TCAF1: variants seen among roughly 807,000 people sequenced by gnomAD.
The protein encoded by TCAF1 is TRPM8 channel-associated factor 1.
A neutral mutation model predicts 27.3 loss-of-function variants in TCAF1; 4 were observed. The ratio of observed to expected loss-of-function variants is 0.15; its 90% CI spans 0.07 to 0.34. The LOEUF (loss-of-function observed/expected upper bound fraction) is 0.34. Among genes scored for constraint, TCAF1 ranks in the 10% least tolerant of loss-of-function variants. The pLI is 1.00. For synonymous variants in TCAF1, 105 were observed against 167.1 expected, an observed-to-expected ratio of 0.63 and a Z score of 2.87; for missense variants, 257 against 425.8, an observed-to-expected ratio of 0.60 and a Z score of 3.49.
At chr7:143,893,646 C>T (rs1361695903) in intron 1 of TCAF1, among the ~76,000 whole-genome samples, 1 of 151,834 alleles carries the variant, frequency 6.6e-6, no homozygotes, top group African/African-American at 2.4e-5. Context: ...TTAAGGATCA[C>T]ACTTCTGAAC....
At chr7:143,876,856 A>G (rs540658461) in intron 1 of TCAF1, among the ~76,000 whole-genome samples, 1 of 152,280 alleles carries the variant, frequency 6.6e-6, no homozygotes, top group African/African-American at 2.4e-5. Context: ...TTTCCATCAC[A>G]GAAGGAAACA....
At chr7:143,892,255 A>C (rs1813669593) in intron 1 of TCAF1, among the ~76,000 whole-genome samples, 1 of 152,160 alleles carries the variant, frequency 6.6e-6, no homozygotes, top group Admixed American at 6.5e-5. Context: ...TAAAAAATAA[A>C]ACAGACAATA....
intron 1 of TCAF1, among the ~76,000 whole-genome samples, chr7:143,897,609 T>C (rs1446761569): frequency 2.6e-5 from 4 of 152,076 alleles, no homozygotes; most frequent in Non-Finnish European, 1.5e-5. Context: ...TTATATATAT[T>C]GAATAAACAT....
At chr7:143,879,991 T>C (rs184324586) in intron 1 of TCAF1, among the ~76,000 whole-genome samples, 3 of 152,314 alleles carry the variant, frequency 2.0e-5, no homozygotes, top group Admixed American at 2.0e-4. Flanking sequence ...GAATATATTT[T>C]ACATCCACCT....
At chr7:143,876,708 G>T in intron 1 of TCAF1, 86 bp from the exon 2 acceptor site, 1 of 1,095,958 alleles carries the variant, frequency 9.1e-7, no homozygotes, top group East Asian at 2.6e-5. Context: ...CCAGTAGCTG[G>T]GCTATTCTTC....
chr7:143,874,697 C>T (rs966751402), intron 2 of TCAF1, among the ~76,000 whole-genome samples: 1 of 152,114 alleles, frequency 6.6e-6, no homozygotes, highest in Non-Finnish European at 1.5e-5. Flanking sequence ...CATGCTAGTG[C>T]CACACTGTGC....
intron 1 of TCAF1, among the ~76,000 whole-genome samples, chr7:143,888,770 C>G (rs1446961891): frequency 1.3e-5 from 2 of 152,098 alleles, no homozygotes; most frequent in Non-Finnish European, 2.9e-5. Context: ...AAAGGAGAAG[C>G]TCACATTAAT....
At chr7:143,901,852 G>A (rs1814128575) in intron 1 of TCAF1, 109 bp downstream of exon 1, 1 of 152,224 alleles carries the variant, frequency 6.6e-6, no homozygotes. Context: ...ATCCTCGGTG[G>A]AACGGCTCTA....
intron 2 of TCAF1, among the ~76,000 whole-genome samples, chr7:143,870,332 C>T (rs1586759065): frequency 1.3e-5 from 2 of 152,172 alleles, no homozygotes; most frequent in South Asian, 4.1e-4. Context: ...AAATTTTCTT[C>T]CTTCCTAATA....
chr7:143,877,476 T>A (rs1478776972), intron 1 of TCAF1, among the ~76,000 whole-genome samples: 1 of 152,196 alleles, frequency 6.6e-6, no homozygotes, highest in Non-Finnish European at 1.5e-5. Context: ...AAGTCCTCTG[T>A]GGTTTAAATG....
At position 143,853,121 on chromosome 7, in the gene TCAF1, C is replaced by T. The variant is rs1811407747; in HGVS notation, c.*1012G>A. ...TTTAAGAGACAGGGTCTCACTCTGT[C>T]CCCCAGGCTGGAGTGCAGTGGCACC... On this transcript the variant is annotated 3_prime_UTR_variant, in exon 9 of 9. Coordinates refer to ENST00000479870, the MANE Select transcript of TCAF1 (RefSeq NM_014719.3). The T allele has an allele frequency of 6.6e-6, 1 of 152,072 alleles. No homozygotes were observed. The highest frequency in any genetic ancestry group is 1.5e-5 in the Non-Finnish European group (1 of 68,086). 9.4% of individuals were successfully genotyped at this position (152,072 alleles called of 1,614,324 possible). A position where few individuals can be genotyped will look rare whatever the true frequency, so the allele number is the denominator to read the frequency against.
intron 2 of TCAF1, among the ~76,000 whole-genome samples, chr7:143,870,523 GAT>G (rs1219230207): frequency 6.6e-6 from 1 of 151,630 alleles, no homozygotes; most frequent in Non-Finnish European, 1.5e-5. Flanking sequence ...GAATTTTTCA[GAT>G]ATGTTATTGA....
intron 1 of TCAF1, chr7:143,886,548 T>C (rs1813410867): frequency 1.0e-6 from 1 of 984,514 alleles, no homozygotes; most frequent in Non-Finnish European, 1.2e-6. Flanking sequence ...GATGGATGGA[T>C]GAAATGGGGT....
intron 1 of TCAF1, among the ~76,000 whole-genome samples, chr7:143,887,300 T>C (rs1370225591): frequency 1.3e-5 from 2 of 152,192 alleles, no homozygotes; most frequent in Non-Finnish European, 2.9e-5. Flanking sequence ...ATGAGCTCAA[T>C]TCATACCTTG....
intron 1 of TCAF1, chr7:143,885,672 A>AAG: frequency 4.4e-6 from 2 of 450,604 alleles, no homozygotes; most frequent in Non-Finnish European, 2.9e-6. Flanking sequence ...ATCTACTTAT[A>AAG]TATTGCCTCT....
chr7:143,899,879 A>G (rs1041861888), intron 1 of TCAF1, among the ~76,000 whole-genome samples: 10 of 152,240 alleles, frequency 6.6e-5, no homozygotes, highest in African/African-American at 2.4e-4. Context: ...TGATCAACAT[A>G]TAAAAAGTCA....
intron 1 of TCAF1, chr7:143,885,382 C>A (rs13224887): frequency 1.0e-6 from 1 of 984,990 alleles, no homozygotes; most frequent in Admixed American, 6.2e-5. Flanking sequence ...GGGGTTGGGG[C>A]GTCCCCGGGA....
At chr7:143,894,560 C>CA (rs1225590039) in intron 1 of TCAF1, among the ~76,000 whole-genome samples, 1 of 151,702 alleles carries the variant, frequency 6.6e-6, no homozygotes, top group Non-Finnish European at 1.5e-5. Flanking sequence ...ATATCATATA[C>CA]AAAAAATACT....
intron 1 of TCAF1, among the ~76,000 whole-genome samples, chr7:143,895,862 A>G (rs1383691647): frequency 6.7e-6 from 1 of 150,332 alleles, no homozygotes; most frequent in African/African-American, 2.4e-5. Context: ...AAATTAAAAC[A>G]TCAGAACTAA....
Sources: allele counts gnomAD v4.1 joint callset (sites outside exome capture counted in the v4.1 genomes callset), GRCh38; gene constraint gnomAD v4.1.1; transcripts MANE v1.5; gene names NCBI Gene and HGNC (gene_info 2026-07-23, HGNC 2026-07-21).